The following SUMF1 variants were observed in gnomAD, a reference collection of about 807,000 sequenced individuals.
The protein encoded by SUMF1 is sulfatase modifying factor 1.
In SUMF1, 48 loss-of-function variants were observed where a neutral mutation model predicts 47.6. The observed-to-expected ratio is 1.01, with a 90% CI of 0.80 to 1.28. SUMF1 has a LOEUF of 1.28. Ranked by LOEUF, SUMF1 falls within the 50% of genes most tolerant of loss-of-function variation. The probability of loss-of-function intolerance (pLI) is 0.00; values close to 1 mark genes in which losing one functional copy is unlikely to be tolerated. For synonymous variants in SUMF1, 230 were observed against 192.1 expected, an observed-to-expected ratio of 1.20 and a Z score of -1.63; for missense variants, 571 against 485.4, an observed-to-expected ratio of 1.18 and a Z score of -1.66.
chr3:4,360,031 G>A (rs546475781), downstream of SUMF1, among the ~76,000 whole-genome samples: 7 of 152,022 alleles, frequency 4.6e-5, no homozygotes, highest in African/African-American at 1.7e-4. Flanking sequence ...AAATACTTAC[G>A]CAATGTAACA....
chr3:4,456,945 CATATATACGTGTGTGTAT>C lies in SUMF1; in HGVS notation c.271-3914_271-3897del, dbSNP rs1326236020. 6.4e-4 allele frequency among the ~76,000 whole-genome samples: 36 copies of C among 55,918 alleles called. 1 individual carries two copies. The highest frequency in any genetic ancestry group is 2.1e-3 in the African/African-American group (35 of 16,890). 36.7% of individuals were successfully genotyped at this position (55,918 alleles called of 152,430 possible). ...GTGTGTATATATATACGTGTGTGTA[CATATATACGTGTGTGTAT>C]ATATATACGTGTGTGTATATATATA... is the stretch of plus-strand genomic sequence containing the variant. On this transcript the variant is annotated intron_variant, in intron 1 of 8. Coordinates refer to ENST00000272902, the MANE Select transcript of SUMF1 (RefSeq NM_182760.4).
intron 8 of SUMF1, among the ~76,000 whole-genome samples, chr3:4,077,222 T>C (rs1692458712): frequency 6.6e-6 from 1 of 152,076 alleles, no homozygotes; most frequent in Non-Finnish European, 1.5e-5. Flanking sequence ...TGTAAATTAG[T>C]TTAACCATTG....
intron 9 of SUMF1, among the ~76,000 whole-genome samples, chr3:4,066,973 C>T (rs184321072): frequency 1.3e-5 from 2 of 152,252 alleles, no homozygotes; most frequent in East Asian, 3.9e-4. Flanking sequence ...GAAAAATTAA[C>T]CACAGTCTTG....
At chr3:4,363,592 G>T (rs1699844465) in intron 8 of SUMF1, among the ~76,000 whole-genome samples, 1 of 151,838 alleles carries the variant, frequency 6.6e-6, no homozygotes, top group Non-Finnish European at 1.5e-5. Context: ...AGACGTTGCT[G>T]AAGTTGCTTA....
intron 8 of SUMF1, among the ~76,000 whole-genome samples, chr3:4,076,860 C>G (rs1040323906): frequency 6.6e-6 from 1 of 151,944 alleles, no homozygotes; most frequent in African/African-American, 2.4e-5. Context: ...AAAAATTAGA[C>G]AGGTGTGGTG....
intron 8 of SUMF1, among the ~76,000 whole-genome samples, chr3:4,111,719 C>A (rs1468866393): frequency 6.6e-6 from 1 of 151,860 alleles, no homozygotes; most frequent in East Asian, 1.9e-4. Context: ...AGCCTGGCGA[C>A]AGAGCTAGAC....
chr3:4,444,524 G>C (rs12639462), intron 3 of SUMF1, among the ~76,000 whole-genome samples: 12,624 of 152,128 alleles, frequency 0.083, 921 homozygotes, highest in East Asian at 0.36. Flanking sequence ...TAAATGTTTG[G>C]GAGTTTTAAA....
chr3:4,368,907 A>C (rs954853080), intron 8 of SUMF1, among the ~76,000 whole-genome samples: 9 of 152,204 alleles, frequency 5.9e-5, no homozygotes, highest in African/African-American at 2.2e-4. Context: ...CATGAGCATA[A>C]ACTCTGAGTT....
At chr3:4,262,832 A>G (rs1453924347) in intron 8 of SUMF1, among the ~76,000 whole-genome samples, 3 of 152,144 alleles carry the variant, frequency 2.0e-5, no homozygotes, top group Non-Finnish European at 4.4e-5. Context: ...GTCCACCCCA[A>G]CCACATGGTC....
chr3:4,382,938 G>A (rs1470338476), intron 7 of SUMF1, among the ~76,000 whole-genome samples: 3 of 152,156 alleles, frequency 2.0e-5, no homozygotes. Context: ...GAGACTAGGG[G>A]AGGGATAGCA....
chr3:4,135,513 T>C (rs1003255092), intron 8 of SUMF1, among the ~76,000 whole-genome samples: 1 of 152,122 alleles, frequency 6.6e-6, no homozygotes. Flanking sequence ...CCATAGCCAA[T>C]ATCATACTGA....
At chr3:4,291,049 CTT>C (rs1697731598) in intron 8 of SUMF1, among the ~76,000 whole-genome samples, 2 of 152,156 alleles carry the variant, frequency 1.3e-5, no homozygotes, top group Non-Finnish European at 2.9e-5. Context: ...TCACAGGACT[CTT>C]TTAAGGATAA....
In SUMF1 at chr3:4,417,947, TG is replaced by T. The variant is rs1437648103; in HGVS notation, c.725+62del. 10 of 1,612,470 alleles carry T rather than the reference TG, an allele frequency of 6.2e-6. No homozygotes were observed. In the African/African-American group the frequency reaches 1.3e-4, roughly 22 times the overall value. ...CCAAAGTAAGTTCCATGGAGTTTTT[TG>T]TTGTTGTTTGTTTGTTCAAATGACC... On this transcript the variant is annotated intron_variant, in intron 5 of 8. Transcript: ENST00000272902.
intron 9 of SUMF1, among the ~76,000 whole-genome samples, chr3:4,039,468 C>T (rs1301022417): frequency 1.6e-4 from 18 of 116,084 alleles, no homozygotes; most frequent in African/African-American, 5.7e-4. Flanking sequence ...TGAGAATATG[C>T]GGTGTTTGGT....
At chr3:4,318,025 A>G (rs1341470522) in intron 8 of SUMF1, among the ~76,000 whole-genome samples, 1 of 152,132 alleles carries the variant, frequency 6.6e-6, no homozygotes, top group Non-Finnish European at 1.5e-5. Flanking sequence ...TCCTGCCCTG[A>G]GCCCTGCATT....
At chr3:4,291,591 T>C (rs562880421) in intron 8 of SUMF1, among the ~76,000 whole-genome samples, 6 of 152,308 alleles carry the variant, frequency 3.9e-5, no homozygotes, top group East Asian at 1.9e-4. Context: ...AGGGAAGGAA[T>C]TGAAGTCGCT....
intron 3 of SUMF1, among the ~76,000 whole-genome samples, chr3:4,421,001 C>A (rs1247782484): frequency 6.6e-6 from 1 of 152,198 alleles, no homozygotes; most frequent in Non-Finnish European, 1.5e-5. Context: ...CACCCACCTG[C>A]CTCACCTAAC....
chr3:4,082,083 G>T (rs1482728369), intron 8 of SUMF1, among the ~76,000 whole-genome samples: 1 of 152,098 alleles, frequency 6.6e-6, no homozygotes, highest in East Asian at 1.9e-4. Context: ...AGCACATATG[G>T]GAAAATATTA....
At chr3:4,046,876 C>T (rs1197314072) in intron 9 of SUMF1, among the ~76,000 whole-genome samples, 1 of 151,656 alleles carries the variant, frequency 6.6e-6, no homozygotes, top group Admixed American at 6.6e-5. Context: ...CTGCTTGAAA[C>T]TTTCCAGGAG....
Sources: gnomAD v4.1 joint callset for allele counts (sites outside exome capture counted in the v4.1 genomes callset) on GRCh38, gnomAD v4.1.1 for gene constraint, MANE v1.5 for transcripts, NCBI Gene and HGNC (gene_info 2026-07-23, HGNC 2026-07-21) for gene names.